Variants in CREBBP observed in about 807,000 individuals in gnomAD.
CREBBP encodes the protein CREB-binding protein.
CREBBP carries 19 observed loss-of-function variants against 265.0 expected under a neutral mutation model. The ratio of observed to expected loss-of-function variants is 0.07; its 90% CI spans 0.05 to 0.11. The LOEUF is 0.11. Ranked by LOEUF, CREBBP falls within the 10% of genes least tolerant of loss-of-function variation. The pLI is 1.00. For synonymous variants in CREBBP, 1,457 were observed against 1,223.7 expected (o/e 1.19, Z -3.98); for missense variants, 2,525 against 3,219.0 (o/e 0.78, Z 5.22).
chr16:3,817,124 T>C (rs887344955), intron 2 of CREBBP, among the ~76,000 whole-genome samples: 4 of 152,130 alleles, frequency 2.6e-5, no homozygotes, highest in Non-Finnish European at 5.9e-5. Context: ...GTTTTCAGAA[T>C]GGTGAAACGG....
At chr16:3,766,291 C>T (rs528236548) in intron 16 of CREBBP, among the ~76,000 whole-genome samples, 1 of 152,296 alleles carries the variant, frequency 6.6e-6, no homozygotes, top group Admixed American at 6.5e-5. Flanking sequence ...CAAAGAATAT[C>T]CACAATCAGC....
chr16:3,843,119 A>AAC (rs1352454849), intron 2 of CREBBP, among the ~76,000 whole-genome samples: 2 of 152,196 alleles, frequency 1.3e-5, no homozygotes, highest in African/African-American at 4.8e-5. Flanking sequence ...CTAAAACAGA[A>AAC]ACTGTAAAAC....
chr16:3,790,536 G>A (rs554971910), intron 5 of CREBBP, among the ~76,000 whole-genome samples: 75 of 152,070 alleles, frequency 4.9e-4, no homozygotes, highest in African/African-American at 1.4e-3. Context: ...CACCACGCCC[G>A]GCTAATTTTG....
At chr16:3,795,285 A>G (rs1444737857) in intron 3 of CREBBP, among the ~76,000 whole-genome samples, 1 of 152,238 alleles carries the variant, frequency 6.6e-6, no homozygotes, top group Non-Finnish European at 1.5e-5. Flanking sequence ...ACACTGCAGG[A>G]AATTTGGAAA....
chr16:3,868,693 G>C (rs1051090431), intron 1 of CREBBP, among the ~76,000 whole-genome samples: 2 of 152,070 alleles, frequency 1.3e-5, no homozygotes, highest in African/African-American at 4.8e-5. Context: ...CACCCAGCCT[G>C]AGGCATCCAC....
intron 2 of CREBBP, among the ~76,000 whole-genome samples, chr16:3,825,964 G>A (rs1022855540): frequency 1.3e-5 from 2 of 152,230 alleles, no homozygotes; most frequent in African/African-American, 2.4e-5. Flanking sequence ...GCTCATGCCT[G>A]TAATCCCAGC....
Position 3,836,021 on chromosome 16 carries a change from A to G in CREBBP, c.798+14276T>C, listed in dbSNP as rs548662640. Reference sequence around the variant, plus strand: ...GAACTAGTTCATGCCAACAACGTGGATGAATCTCAGAAAACAAGTTGTGAG... The same window carrying G: ...GAACTAGTTCATGCCAACAACGTGGGTGAATCTCAGAAAACAAGTTGTGAG... On this transcript the variant is annotated intron_variant, in intron 2 of 30. Transcript: ENST00000262367. Among the ~76,000 whole-genome samples the G allele has an allele frequency of 1.4e-4, 21 of 152,340 alleles. No homozygotes were observed. The Middle Eastern group carries it at 0.01, about 74-fold the overall frequency.
At chr16:3,852,795 A>G (rs1046201441) in intron 1 of CREBBP, among the ~76,000 whole-genome samples, 1 of 151,970 alleles carries the variant, frequency 6.6e-6, no homozygotes, top group South Asian at 2.1e-4. Flanking sequence ...AACTAAAACA[A>G]CCCTTTTTCT....
At chr16:3,815,421 T>A (rs1365148781) in intron 2 of CREBBP, among the ~76,000 whole-genome samples, 1 of 146,636 alleles carries the variant, frequency 6.8e-6, no homozygotes, top group Non-Finnish European at 1.5e-5. Context: ...GTGCGTATAA[T>A]CCCACGATGA....
intron 19 of CREBBP, among the ~76,000 whole-genome samples, chr16:3,756,576 T>C (rs937967802): frequency 3.9e-5 from 6 of 152,198 alleles, no homozygotes; most frequent in African/African-American, 1.2e-4. Flanking sequence ...CATCTTATAA[T>C]AGGAGGCAAC....
rs767532168 is a variant in CREBBP at position 3,727,781 on chromosome 16, G to A, written c.7266C>T (p.Ser2422=). The change falls in exon 31 of 31, where the codon AGC becomes AGT. Residue 2422 remains serine, a synonymous_variant. Coordinates refer to ENST00000262367, the MANE Select transcript of CREBBP (RefSeq NM_004380.3). ...TGGTGTCCCCGACCAGGGACAGTTC[G>A]CTGGACAGCGCACTCCTGCTGGGGG... ...LNTPSRSALS[S]ELSLVGDTTG... 8.7e-6 allele frequency: 14 copies of A among 1,614,040 alleles called. No individual in the cohort carries two copies. Among genetic ancestry groups the A allele is most frequent in the Middle Eastern group, 1.6e-4 (1 of 6,082 alleles).
intron 16 of CREBBP, among the ~76,000 whole-genome samples, chr16:3,761,208 C>T (rs2052710052): frequency 6.6e-6 from 1 of 152,178 alleles, no homozygotes; most frequent in African/African-American, 2.4e-5. Context: ...ATCTGCTTGC[C>T]TCAGCCTCCC....
intron 11 of CREBBP, among the ~76,000 whole-genome samples, chr16:3,775,010 G>A (rs761619923): frequency 6.6e-6 from 1 of 152,110 alleles, no homozygotes; most frequent in Non-Finnish European, 1.5e-5. Context: ...CTGAGCCAGA[G>A]GGCACAGTAC....
intron 2 of CREBBP, among the ~76,000 whole-genome samples, chr16:3,831,635 A>G (rs1022863743): frequency 3.9e-5 from 6 of 152,148 alleles, no homozygotes; most frequent in African/African-American, 1.4e-4. Context: ...ACAAACCCCA[A>G]CCTAGATCAA....
chr16:3,745,707 T>C (rs954222473), intron 21 of CREBBP: 5 of 385,002 alleles, frequency 1.3e-5, no homozygotes, highest in South Asian at 2.4e-5. Flanking sequence ...ATGCCTTCTC[T>C]AGGTGATTTC....
At chr16:3,841,276 GTT>G (rs952453650) in intron 2 of CREBBP, among the ~76,000 whole-genome samples, 15 of 151,994 alleles carry the variant, frequency 9.9e-5, no homozygotes, top group African/African-American at 3.6e-4. Flanking sequence ...ATCCCCATGT[GTT>G]TTAGAAGCCC....
intron 1 of CREBBP, among the ~76,000 whole-genome samples, chr16:3,854,198 A>G (rs1368320596): frequency 2.0e-5 from 3 of 152,150 alleles, no homozygotes; most frequent in Non-Finnish European, 4.4e-5. Flanking sequence ...AAGTGACACA[A>G]TCTCAGCTAA....
At chr16:3,786,934 A>G (rs2053401010) in intron 5 of CREBBP, among the ~76,000 whole-genome samples, 1 of 152,044 alleles carries the variant, frequency 6.6e-6, no homozygotes, top group South Asian at 2.1e-4. Context: ...GTAGCCAGGC[A>G]TGGTGGCATG....
chr16:3,815,633 T>C (rs1431802450), intron 2 of CREBBP, among the ~76,000 whole-genome samples: 1 of 151,218 alleles, frequency 6.6e-6, no homozygotes, highest in Non-Finnish European at 1.5e-5. Context: ...AGAACCTCTA[T>C]ATAATCTTTT....
Sources: gnomAD v4.1 joint callset for allele counts (sites outside exome capture counted in the v4.1 genomes callset) on GRCh38, gnomAD v4.1.1 for gene constraint, MANE v1.5 for transcripts, NCBI Gene and HGNC (gene_info 2026-07-23, HGNC 2026-07-21) for gene names.